MYH7: variants seen among roughly 807,000 people sequenced by gnomAD.
MYH7 encodes the protein myosin heavy chain 7.
In MYH7, 129 loss-of-function variants were observed where a neutral mutation model predicts 225.4. That is an observed-to-expected ratio of 0.57 (90% CI 0.50 to 0.66). The LOEUF (loss-of-function observed/expected upper bound fraction) is 0.66. Ranked by LOEUF, MYH7 falls within the 30% of genes least tolerant of loss-of-function variation. The probability of loss-of-function intolerance (pLI) is 0.00; values close to 1 mark genes in which losing one functional copy is unlikely to be tolerated. For synonymous variants in MYH7, 971 were observed against 1,007.6 expected (o/e 0.96, Z 0.69); for missense variants, 1,649 against 2,517.0 (o/e 0.66, Z 7.38).
intron 11 of MYH7, 86 bp downstream of exon 11, chr14:23,430,474 G>T: frequency 1.9e-6 from 2 of 1,071,604 alleles, no homozygotes; most frequent in Non-Finnish European, 2.8e-6. Flanking sequence ...ACAACCAATG[G>T]CCAGCGTCTT....
chr14:23,419,815 T>G (rs544323467), intron 27 of MYH7, 30 bp downstream of exon 27: 2 of 1,613,730 alleles, frequency 1.2e-6, no homozygotes, highest in South Asian at 1.1e-5. Flanking sequence ...GAGGAGGAAG[T>G]TGGAGGAGGG....
rs779651013 is a variant in MYH7 at position 23,430,896 on chromosome 14, C to T, written c.895+5G>A. 6.2e-7 allele frequency: 1 copy of T among 1,608,920 alleles called. No homozygotes were observed. Among genetic ancestry groups the T allele is most frequent in the Admixed American group, 1.7e-5 (1 of 60,012 alleles). ...AGTTGGTCTCAGTCGGTGGCTCTGACTCACCCAGCAGCTCAGGCTTTTTGT... is the reference window on the plus strand; with the variant it reads ...AGTTGGTCTCAGTCGGTGGCTCTGATTCACCCAGCAGCTCAGGCTTTTTGT... On this transcript the variant is annotated splice_donor_5th_base_variant and intron_variant, in intron 10 of 39. Transcript: ENST00000355349.
chr14:23,413,353 T>C (rs1892048342), intron 39 of MYH7, among the ~76,000 whole-genome samples: 2 of 151,334 alleles, frequency 1.3e-5, no homozygotes, highest in Non-Finnish European at 3.0e-5. Context: ...CTGAGGCGAG[T>C]GGATCACAAG....
At chr14:23,429,630 C>A (rs185212243) in intron 12 of MYH7, 145 bp downstream of exon 12, 76 of 1,179,716 alleles carry the variant, frequency 6.4e-5, no homozygotes, top group Non-Finnish European at 8.1e-5. Context: ...GAGCCAAGAT[C>A]GTGCCACTGC....
At chr14:23,417,469 TG>T in intron 31 of MYH7, 33 bp downstream of exon 31, 1 of 1,612,236 alleles carries the variant, frequency 6.2e-7, no homozygotes, top group Admixed American at 1.7e-5. Flanking sequence ...CCCCTTGCCC[TG>T]CATGCTGGCT....
At position 23,427,825 on chromosome 14, in the gene MYH7, C is replaced by A. The variant is rs1892755449; in HGVS notation, c.1648G>T (p.Ala550Ser). Residue 550 changes from alanine to serine, a missense_variant, in exon 16 of 40, where the codon GCC becomes TCC. By Grantham distance (99) the Ala-to-Ser change is moderately conservative. This residue lies in a region of MYH7 where 76 missense variants were observed against 233.8 expected (regional missense o/e 0.33). Coordinates refer to ENST00000355349, the MANE Select transcript of MYH7 (RefSeq NM_000257.4). ...FPKATDMTFK[A>S]KLFDNHLGKS... Reference sequence around the variant, plus strand: ...CCCAGGTGGTTGTCAAACAGCTTGGCCTTGAAGGTCATGTCGGTGGCCTTG... The same window carrying A: ...CCCAGGTGGTTGTCAAACAGCTTGGACTTGAAGGTCATGTCGGTGGCCTTG... The A allele has an allele frequency of 6.2e-7, 1 of 1,614,002 alleles. No homozygotes were observed. Among genetic ancestry groups the A allele is most frequent in the African/African-American group, 1.3e-5 (1 of 74,886 alleles).
At chr14:23,414,583 T>G (rs773180650) in intron 37 of MYH7, among the ~76,000 whole-genome samples, 16 of 152,174 alleles carry the variant, frequency 1.1e-4, no homozygotes, top group Non-Finnish European at 4.4e-5. Context: ...AGAGTCTGAT[T>G]CTAGAAAACA....
In MYH7 at chr14:23,416,061, G is replaced by A. The variant is rs765324390; in HGVS notation, c.4896C>T (p.Ala1632=). ...LNEMEIQLSH[A]NRMAAEAQKQ... ...TCTGGGCCTCGGCGGCCATGCGGTT[G>A]GCGTGGCTGAGCTGGATCTCCATCT... The change falls in exon 34 of 40, where the codon GCC becomes GCT. Residue 1632 remains alanine, a synonymous_variant. Coordinates refer to ENST00000355349, the MANE Select transcript of MYH7 (RefSeq NM_000257.4). 1 of 1,614,084 alleles carries A rather than the reference G, an allele frequency of 6.2e-7. No homozygotes were observed. The highest frequency in any genetic ancestry group is 1.7e-5 in the Admixed American group (1 of 60,000).
chr14:23,430,051 A>G, intron 11 of MYH7, 138 bp from the exon 12 acceptor site: 2 of 1,008,250 alleles, frequency 2.0e-6, no homozygotes, highest in Non-Finnish European at 3.0e-6. Context: ...GGGGAGCTCC[A>G]AAACAAAGGA....
chr14:23,419,337 C>A (rs750484253), intron 28 of MYH7, 42 bp from the exon 29 acceptor site: 1 of 1,613,018 alleles, frequency 6.2e-7, no homozygotes, highest in Non-Finnish European at 8.5e-7. Context: ...TCTCTATCCC[C>A]ACCTCCTCCT....
At chr14:23,416,381 A>G in intron 33 of MYH7, 69 bp from the exon 34 acceptor site, 1 of 1,503,906 alleles carries the variant, frequency 6.6e-7, no homozygotes, top group Non-Finnish European at 9.1e-7. Context: ...GGGCCTGCTC[A>G]CTAATCATGG....
Position 23,429,233 on chromosome 14 carries a change from T to A in MYH7, c.1253A>T (p.Gln418Leu). The A allele has an allele frequency of 6.2e-7, 1 of 1,614,116 alleles. No homozygotes were observed. Among genetic ancestry groups the A allele is most frequent in the South Asian group, 1.1e-5 (1 of 91,086 alleles). ...ATCATCTGAAGATGGACCCACCTGCTGGACATTCTGCCCCTTGGTGACGTA... is the reference window on the plus strand; with the variant it reads ...ATCATCTGAAGATGGACCCACCTGCAGGACATTCTGCCCCTTGGTGACGTA... ...NEYVTKGQNV[Q>L]QVIYATGALA... The change falls in exon 13 of 40, where the codon CAG becomes CTG. Residue 418 changes from glutamine (Q) to leucine (L), a missense_variant. Physicochemically the swap from Gln to Leu is moderately radical, Grantham distance 113 (BLOSUM62 -2). Coordinates refer to ENST00000355349, the MANE Select transcript of MYH7 (RefSeq NM_000257.4).
rs1555338666 is a variant in MYH7, at chr14:23,431,621, A to G, written c.696T>C (p.Asn232=). The change falls in exon 8 of 40, where the codon AAT becomes AAC. Residue 232 remains asparagine, a synonymous_variant. Transcript: ENST00000355349. ...QANPALEAFG[N]AKTVRNDNSS... ...AGTTGTCGTTCCGGACGGTCTTGGC[A>G]TTGCCAAAGGCCTCCAGAGCAGGGT... 1 of 1,614,236 alleles carries G rather than the reference A, an allele frequency of 6.2e-7. No homozygotes were observed.
intron 1 of MYH7, among the ~76,000 whole-genome samples, 193 bp downstream of exon 1, chr14:23,435,427 T>G (rs1253670026): frequency 6.6e-6 from 1 of 151,160 alleles, no homozygotes; most frequent in Non-Finnish European, 1.5e-5. Flanking sequence ...TCCCATATGC[T>G]CAGATGCAGA....
Position 23,428,964 on chromosome 14 carries a change from C to T in MYH7, c.1398G>A (p.Glu466=), listed in dbSNP as rs188880142. ...FIGVLDIAGF[E]IFDFNSFEQL... ...AGGGGTCCCAACTCACATCGAAGAT[C>T]TCGAAGCCAGCGATGTCCAGGACTC... is the stretch of plus-strand genomic sequence containing the variant. The change falls in exon 14 of 40, where the codon GAG becomes GAA. Residue 466 remains glutamate, a synonymous_variant. Transcript: ENST00000355349. 1 of 1,614,222 alleles carries T rather than the reference C, an allele frequency of 6.2e-7. No homozygotes were observed.
chr14:23,426,987 G>A lies in MYH7; in HGVS notation c.1957-123C>T. On this transcript the variant is annotated intron_variant, in intron 17 of 39. Transcript: ENST00000355349. The stretch of plus-strand genomic sequence containing the variant: ...AATTCGAGAAGTCACAGAGATGAAG[G>A]GGCCCTGGGGGCAGACAGGGATAAG... 5 of 959,486 alleles carry A rather than the reference G, an allele frequency of 5.2e-6. No individual in the cohort carries two copies. The South Asian group carries it at 7.0e-5, about 13-fold the overall frequency. 59.4% of individuals were successfully genotyped at this position (959,486 alleles called of 1,614,324 possible).
Position 23,428,949 on chromosome 14 carries a change from A to G in MYH7, c.1407+6T>C. 6.2e-7 allele frequency: 1 copy of G among 1,614,094 alleles called. No individual in the cohort carries two copies. The highest frequency in any genetic ancestry group is 1.7e-5 in the Admixed American group (1 of 60,014). On this transcript the variant is annotated splice_donor_region_variant and intron_variant, in intron 14 of 39. Coordinates refer to ENST00000355349, the MANE Select transcript of MYH7 (RefSeq NM_000257.4). ...TGTTCTCCCACTCCCAGGGGTCCCA[A>G]CTCACATCGAAGATCTCGAAGCCAG...
In MYH7 at chr14:23,429,840, T is replaced by G; in HGVS notation, c.1073A>C (p.His358Pro). ...CAGCTTGAACTTCATGTTTCCAAAG[T>G]GCATGATGGCGCCTGTCAGCTTATA... ...SMYKLTGAIM[H>P]FGNMKFKLKQ... The change falls in exon 12 of 40, where the codon CAC (histidine) becomes CCC (proline). Residue 358 changes from histidine to proline, a missense_variant. This residue lies in a region of MYH7 where 131 missense variants were observed against 231.3 expected (regional missense o/e 0.57). Transcript: ENST00000355349. 1 of 1,614,026 alleles carries G rather than the reference T, an allele frequency of 6.2e-7. No individual in the cohort carries two copies.
At chr14:23,432,935 C>A (rs1893008228) in intron 4 of MYH7, 140 bp from the exon 5 acceptor site, 4 of 1,491,342 alleles carry the variant, frequency 2.7e-6, no homozygotes. Context: ...ATGCCAGTCC[C>A]CAGAGTGTTG....
Sources: gnomAD v4.1 joint callset for allele counts (sites outside exome capture counted in the v4.1 genomes callset) on GRCh38, gnomAD v4.1.1 for gene constraint, gnomAD v4.1.1 regional missense constraint, MANE v1.5 for transcripts, NCBI Gene and HGNC (gene_info 2026-07-23, HGNC 2026-07-21) for gene names.